Variants in ZNF138 observed in about 807,000 individuals in gnomAD.
ZNF138 encodes zinc finger protein 138.
ZNF138 carries 33 observed loss-of-function variants against 33.0 expected under a neutral mutation model. The observed-to-expected ratio is 1.00, with a 90% CI of 0.76 to 1.34. ZNF138 has a LOEUF of 1.34. Ranked by LOEUF, ZNF138 falls within the 40% of genes most tolerant of loss-of-function variation. ZNF138 has a pLI of 0.00. For missense variants in ZNF138, 360 were observed against 370.8 expected, an observed-to-expected ratio of 0.97 and a Z score of 0.24; for synonymous variants, 139 against 120.4, an observed-to-expected ratio of 1.15 and a Z score of -1.01.
chr7:64,796,513 G>A (rs1215024190), intron 1 of ZNF138, among the ~76,000 whole-genome samples: 1 of 152,118 alleles, frequency 6.6e-6, no homozygotes, highest in African/African-American at 2.4e-5. Flanking sequence ...AAAGGTAAGA[G>A]GATAATTAGA....
At chr7:64,857,827 GA>G in the ZNF138 span, among the ~76,000 whole-genome samples, 20 of 152,280 alleles carry the variant, frequency 1.3e-4, no homozygotes, top group East Asian at 3.7e-3. Context: ...GCTTTCCTGG[GA>G]CCAGGTGGCC....
At chr7:64,826,471 G>C (rs1789624667) in intron 3 of ZNF138, among the ~76,000 whole-genome samples, 1 of 152,130 alleles carries the variant, frequency 6.6e-6, no homozygotes, top group South Asian at 2.1e-4. Flanking sequence ...AGTAGAGACG[G>C]GGTTTCTCCA....
At chr7:64,799,700 A>G (rs1786985666) in intron 1 of ZNF138, among the ~76,000 whole-genome samples, 1 of 151,912 alleles carries the variant, frequency 6.6e-6, no homozygotes, top group Non-Finnish European at 1.5e-5. Flanking sequence ...CTGGAGTGCA[A>G]TGGTGCAATC....
At position 64,831,797 on chromosome 7, in the gene ZNF138, TAAAAA is replaced by T. The variant is rs750123890; in HGVS notation, c.558_562del (p.Lys186AsnfsTer4). 1 of 1,613,336 alleles carries T rather than the reference TAAAAA, an allele frequency of 6.2e-7. No homozygotes were observed. Among genetic ancestry groups the T allele is most frequent in the Non-Finnish European group, 8.5e-7 (1 of 1,179,852 alleles). On this transcript the variant is annotated frameshift_variant, in exon 4 of 4. Coordinates refer to ENST00000307355, the MANE Select transcript of ZNF138 (RefSeq NM_001271639.2). LOFTEE classifies it high-confidence loss of function. ...GCATGCTTTCACGCCTAACTCAACA[TAAAAA>T]AATTCATACTAGAGAGAATTTCTAC... is the stretch of plus-strand genomic sequence containing the variant.
the ZNF138 span, chr7:64,852,414 T>G: frequency 1.9e-6 from 3 of 1,554,924 alleles, no homozygotes; most frequent in Non-Finnish European, 2.6e-6. Context: ...GCCCCGGGTG[T>G]GGGATTCACA....
intron 1 of ZNF138, among the ~76,000 whole-genome samples, chr7:64,810,645 C>T (rs1788097897): frequency 1.3e-5 from 2 of 151,868 alleles, no homozygotes; most frequent in African/African-American, 2.4e-5. Context: ...ATTTAATTTT[C>T]TTTTGGGTAA....
At chr7:64,814,782 A>G (rs1476980700) in intron 1 of ZNF138, 136 bp from the exon 2 acceptor site, 1 of 1,130,576 alleles carries the variant, frequency 8.8e-7, no homozygotes, top group Admixed American at 2.8e-5. Flanking sequence ...AAATTATTTT[A>G]TGAATAATTT....
the ZNF138 span, among the ~76,000 whole-genome samples, chr7:64,853,609 A>G: frequency 3.3e-5 from 5 of 150,476 alleles, no homozygotes; most frequent in Non-Finnish European, 5.9e-5. Context: ...TTGTGTATCT[A>G]TACAACATTT....
chr7:64,813,641 A>G (rs1583832135), intron 1 of ZNF138, among the ~76,000 whole-genome samples: 1 of 151,964 alleles, frequency 6.6e-6, no homozygotes, highest in African/African-American at 2.4e-5. Context: ...TCACTGTGTT[A>G]GCCAGGATGG....
chr7:64,849,929 T>C, the ZNF138 span, among the ~76,000 whole-genome samples: 645 of 152,290 alleles, frequency 4.2e-3, 4 homozygotes, highest in African/African-American at 0.014. Flanking sequence ...CTGTGGAGTC[T>C]GCTCACCCAA....
chr7:64,854,900 T>C, the ZNF138 span, among the ~76,000 whole-genome samples: 1 of 152,260 alleles, frequency 6.6e-6, no homozygotes, highest in East Asian at 1.9e-4. Context: ...TGCTTTTCTC[T>C]GATTTAACAT....
the ZNF138 span, among the ~76,000 whole-genome samples, chr7:64,839,108 T>G: frequency 2.0e-5 from 3 of 152,162 alleles, no homozygotes; most frequent in Non-Finnish European, 4.4e-5. Flanking sequence ...CAAATTTGAT[T>G]TTTGACTATT....
At chr7:64,849,132 C>T in the ZNF138 span, among the ~76,000 whole-genome samples, 5,137 of 152,184 alleles carry the variant, frequency 0.034, 288 homozygotes, top group African/African-American at 0.12. Flanking sequence ...TATTTTGTCC[C>T]ATGGGGTATT....
intron 3 of ZNF138, among the ~76,000 whole-genome samples, chr7:64,820,643 A>G (rs1265807203): frequency 3.3e-5 from 5 of 151,510 alleles, no homozygotes; most frequent in Non-Finnish European, 7.4e-5. Context: ...AGGTCACTGC[A>G]ACCTCTGCCT....
chr7:64,858,738 T>A, the ZNF138 span, among the ~76,000 whole-genome samples: 11 of 152,232 alleles, frequency 7.2e-5, no homozygotes, highest in African/African-American at 2.4e-4. Flanking sequence ...GAGATCTTTT[T>A]AAAAATTTTT....
the ZNF138 span, among the ~76,000 whole-genome samples, chr7:64,850,502 C>T: frequency 6.6e-6 from 1 of 152,166 alleles, no homozygotes; most frequent in Admixed American, 6.5e-5. Context: ...TTAAATTTCT[C>T]TTTATTTCTA....
At chr7:64,827,651 A>G (rs2129013453) in intron 3 of ZNF138, among the ~76,000 whole-genome samples, 1 of 152,000 alleles carries the variant, frequency 6.6e-6, no homozygotes, top group Non-Finnish European at 1.5e-5. Flanking sequence ...GATTTTTTTT[A>G]TTACATCAAA....
At chr7:64,811,352 TC>T (rs1788164174) in intron 1 of ZNF138, among the ~76,000 whole-genome samples, 1 of 152,250 alleles carries the variant, frequency 6.6e-6, no homozygotes, top group African/African-American at 2.4e-5. Flanking sequence ...ATTTTTCTTT[TC>T]TTTTTTCTTG....
chr7:64,823,492 T>C (rs1789331717), intron 3 of ZNF138, among the ~76,000 whole-genome samples: 1 of 152,048 alleles, frequency 6.6e-6, no homozygotes, highest in Non-Finnish European at 1.5e-5. Flanking sequence ...TGCACTACCA[T>C]GTTCAACTAA....
Sources: allele counts gnomAD v4.1 joint callset (sites outside exome capture counted in the v4.1 genomes callset), GRCh38; gene constraint gnomAD v4.1.1; transcripts MANE v1.5; gene names NCBI Gene and HGNC (gene_info 2026-07-23, HGNC 2026-07-21).